The following TRDMT1 variants were observed in gnomAD, a reference collection of about 807,000 sequenced individuals.
TRDMT1 encodes the protein tRNA aspartic acid methyltransferase 1, also known as tRNA (cytosine(38)-C(5))-methyltransferase.
A neutral mutation model predicts 51.2 loss-of-function variants in TRDMT1; 49 were observed. That is an observed-to-expected ratio of 0.96 (90% CI 0.76 to 1.21). The LOEUF is 1.21. Ranked by LOEUF, TRDMT1 falls within the 50% of genes most tolerant of loss-of-function variation. The probability of loss-of-function intolerance (pLI) is 0.00; values close to 1 mark genes in which losing one functional copy is unlikely to be tolerated. For missense variants in TRDMT1, 534 were observed against 462.3 expected, an observed-to-expected ratio of 1.16 and a Z score of -1.42; for synonymous variants, 187 against 164.6, an observed-to-expected ratio of 1.14 and a Z score of -1.04.
At chr10:17,170,495 T>G (rs189725575) in intron 2 of TRDMT1, among the ~76,000 whole-genome samples, 2 of 152,256 alleles carry the variant, frequency 1.3e-5, no homozygotes, top group Non-Finnish European at 2.9e-5. Context: ...CTGTATTGAC[T>G]GGCAGGTGTA....
intron 2 of TRDMT1, 73 bp from the exon 3 acceptor site, chr10:17,168,990 A>G: frequency 1.1e-6 from 1 of 943,272 alleles, no homozygotes; most frequent in Non-Finnish European, 1.6e-6. Flanking sequence ...GAAAATACTA[A>G]CTATAATTAA....
Position 17,157,622 on chromosome 10 carries a change from C to T in TRDMT1, c.706G>A (p.Glu236Lys). 1 of 1,613,864 alleles carries T rather than the reference C, an allele frequency of 6.2e-7. No homozygotes were observed. Among genetic ancestry groups the T allele is most frequent in the Non-Finnish European group, 8.5e-7 (1 of 1,179,872 alleles). The change falls in exon 8 of 11, where the codon GAA becomes AAA. Residue 236 changes from glutamate (E) to lysine (K), a missense_variant. By Grantham distance (56) the Glu-to-Lys change is moderately conservative (BLOSUM62 1). Coordinates refer to ENST00000377799, the MANE Select transcript of TRDMT1 (RefSeq NM_004412.7). The stretch of plus-strand genomic sequence containing the variant: ...TGTTGATTTTTCCTGTGAATTTCTT[C>T]TGCAGTTTCAAGCTTAAAAAGAATG... ...DAILFKLETA[E>K]EIHRKNQQDS...
chr10:17,164,631 G>A (rs1440353895), intron 3 of TRDMT1, among the ~76,000 whole-genome samples: 2 of 152,154 alleles, frequency 1.3e-5, no homozygotes, highest in African/African-American at 4.8e-5. Flanking sequence ...CATCATCTCG[G>A]CCCAAAATCT....
At chr10:17,183,211 G>C (rs1473212183) in intron 1 of TRDMT1, among the ~76,000 whole-genome samples, 3 of 152,080 alleles carry the variant, frequency 2.0e-5, no homozygotes, top group Admixed American at 2.0e-4. Context: ...TTACTACATA[G>C]AGCAGTTACA....
rs1025194388 is a variant in TRDMT1 at position 17,143,929 on chromosome 10, G to A, written c.*5111C>T. The A allele has an allele frequency of 9.1e-6, 9 of 985,384 alleles. No homozygotes were observed. The highest frequency in any genetic ancestry group is 1.1e-5 in the Non-Finnish European group (9 of 829,928). The allele number at this position is 985,384 out of a possible 1,614,324, so 61.0% of individuals were successfully genotyped here. ...AGCATGCTAAATTTGATGCAAATCC[G>A]ATACAACTTGAATAGCAAGATATCC... On this transcript the variant is annotated 3_prime_UTR_variant, in exon 11 of 11. Transcript: ENST00000377799.
At chr10:17,169,667 T>A in intron 2 of TRDMT1, 1 of 505,118 alleles carries the variant, frequency 2.0e-6, no homozygotes, top group Non-Finnish European at 3.5e-6. Context: ...CCTTCCTAAT[T>A]ATAGCCCACT....
chr10:17,151,400 C>G, intron 10 of TRDMT1: 1 of 981,356 alleles, frequency 1.0e-6, no homozygotes, highest in Non-Finnish European at 1.2e-6. Context: ...ATACACACCA[C>G]CAGTCACAGA....
rs146125562 is a variant in TRDMT1, at chr10:17,153,548, G to A, written c.1034C>T (p.Pro345Leu). The A allele has an allele frequency of 1.2e-6, 2 of 1,613,774 alleles. No individual in the cohort carries two copies. The highest frequency in any genetic ancestry group is 1.3e-5 in the African/African-American group (1 of 74,932). ...TCCAAGGAGATTTGCTATTTCTTTA[G>A]GAGTGAAATATCGCAGTTTAAGTAT... Reference protein sequence around the residue: ...LLILKLRYFTPKEIANLLGFP... With the variant: ...LLILKLRYFTLKEIANLLGFP... Residue 345 changes from proline (P) to leucine (L), a missense_variant, in exon 10 of 11, where the codon CCT becomes CTT. Pro to Leu is a moderately conservative substitution (Grantham distance 98, BLOSUM62 -3). Transcript: ENST00000377799.
At position 17,160,336 on chromosome 10, in the gene TRDMT1, T is replaced by C. The variant is rs776009001; in HGVS notation, c.428A>G (p.Gln143Arg). The part of the protein sequence containing the change: ...LIQTIENCGF[Q>R]YQEFLLSPTS... Reference sequence around the variant, plus strand: ...TGGAGATAATAGAAACTCTTGGTACTGAAAGCCACAATTTTCTATTGTTTG... The same window carrying C: ...TGGAGATAATAGAAACTCTTGGTACCGAAAGCCACAATTTTCTATTGTTTG... The change falls in exon 6 of 11, where the codon CAG becomes CGG. Residue 143 changes from glutamine (Q) to arginine (R), a missense_variant. Transcript: ENST00000377799. The C allele has an allele frequency of 7.6e-6, 12 of 1,570,582 alleles. No homozygotes were observed. Among genetic ancestry groups the C allele is most frequent in the Middle Eastern group, 3.9e-4 (2 of 5,140 alleles).
chr10:17,173,985 G>A (rs1276469515), intron 2 of TRDMT1, among the ~76,000 whole-genome samples: 7 of 151,954 alleles, frequency 4.6e-5, no homozygotes, highest in African/African-American at 7.3e-5. Flanking sequence ...GGCTGGTCTC[G>A]AACTCATAAC....
chr10:17,137,817 G>A lies in TRDMT1; in HGVS notation c.*11223C>T, dbSNP rs1232016000. 2.8e-5 allele frequency among the ~76,000 whole-genome samples: 4 copies of A among 144,542 alleles called. No individual in the cohort carries two copies. Among genetic ancestry groups the A allele is most frequent in the East Asian group, 2.0e-4 (1 of 5,046 alleles). 94.8% of individuals were successfully genotyped at this position (144,542 alleles called of 152,430 possible). ...TGCACTCCAGCCTGGGTGACAGAGC[G>A]AAACTCTGCCAAAAAAAAAAGAAAA... On this transcript the variant is annotated 3_prime_UTR_variant, in exon 11 of 11. Coordinates refer to ENST00000377799, the MANE Select transcript of TRDMT1 (RefSeq NM_004412.7).
In TRDMT1 at chr10:17,139,953, C is replaced by T. The variant is rs977846667; in HGVS notation, c.*9087G>A. On this transcript the variant is annotated 3_prime_UTR_variant, in exon 11 of 11. Transcript: ENST00000377799. ...TCAAGCTTTGTCAACAATTCCTAGA[C>T]TATGTTTAGAAGAGACATAAACAAT... Among the ~76,000 whole-genome samples, 21 of 145,586 alleles carry T rather than the reference C, an allele frequency of 1.4e-4. No homozygotes were observed. Among genetic ancestry groups the T allele is most frequent in the African/African-American group, 5.4e-4 (21 of 39,092 alleles).
chr10:17,165,113 G>C (rs907215656), intron 3 of TRDMT1, among the ~76,000 whole-genome samples: 23 of 152,140 alleles, frequency 1.5e-4, no homozygotes, highest in African/African-American at 3.4e-4. Flanking sequence ...TACCTGACTT[G>C]AAACTATACT....
intron 9 of TRDMT1, 33 bp from the exon 10 acceptor site, chr10:17,153,669 T>C: frequency 1.3e-6 from 2 of 1,536,028 alleles, no homozygotes; most frequent in African/African-American, 2.8e-5. Context: ...ACTAAAAAAG[T>C]AATGTGCAAC....
Position 17,139,153 on chromosome 10 carries a change from G to A in TRDMT1, c.*9887C>T. 1.0e-6 allele frequency: 1 copy of A among 984,412 alleles called. No homozygotes were observed. The highest frequency in any genetic ancestry group is 1.2e-6 in the Non-Finnish European group (1 of 829,008). The allele number at this position is 984,412 out of a possible 1,614,324, so 61.0% of individuals were successfully genotyped here. ...GGTTTCCAAGGTGTGAAGCAATGAAGCGGAGTTTACCATAGGTGAACCCTC... is the reference window on the plus strand; with the variant it reads ...GGTTTCCAAGGTGTGAAGCAATGAAACGGAGTTTACCATAGGTGAACCCTC... On this transcript the variant is annotated 3_prime_UTR_variant, in exon 11 of 11. Coordinates refer to ENST00000377799, the MANE Select transcript of TRDMT1 (RefSeq NM_004412.7).
At chr10:17,162,087 C>CA in intron 4 of TRDMT1, 79 bp downstream of exon 4, 1 of 1,310,160 alleles carries the variant, frequency 7.6e-7, no homozygotes, top group Non-Finnish European at 1.1e-6. Context: ...CTATCCTCTA[C>CA]AAAATGACAA....
At chr10:17,163,643 G>A (rs958281677) in intron 3 of TRDMT1, among the ~76,000 whole-genome samples, 1 of 151,808 alleles carries the variant, frequency 6.6e-6, no homozygotes, top group East Asian at 1.9e-4. Flanking sequence ...ATAAAGAAGA[G>A]AGAAGAATCA....
intron 1 of TRDMT1, among the ~76,000 whole-genome samples, chr10:17,199,571 G>A (rs931639051): frequency 3.9e-5 from 6 of 152,168 alleles, no homozygotes; most frequent in Non-Finnish European, 8.8e-5. Flanking sequence ...ACGGTGAAGC[G>A]GGATGCTGAA....
chr10:17,166,121 C>G (rs1035838851), intron 3 of TRDMT1, among the ~76,000 whole-genome samples: 3 of 152,036 alleles, frequency 2.0e-5, no homozygotes, highest in Non-Finnish European at 2.9e-5. Context: ...GGAACCAACC[C>G]AAGTGTCCAA....
Sources: allele counts gnomAD v4.1 joint callset (sites outside exome capture counted in the v4.1 genomes callset), GRCh38; gene constraint gnomAD v4.1.1; transcripts MANE v1.5; gene names NCBI Gene and HGNC (gene_info 2026-07-23, HGNC 2026-07-21).